The following LMBR1L variants were observed in gnomAD, a reference collection of about 807,000 sequenced individuals.
LMBR1L encodes limb development membrane protein 1 like.
In LMBR1L, 47 loss-of-function variants were observed where a neutral mutation model predicts 67.3. The ratio of observed to expected loss-of-function variants is 0.70; its 90% CI spans 0.55 to 0.89. LMBR1L has a LOEUF of 0.89. Ranked by LOEUF, LMBR1L falls within the 40% of genes least tolerant of loss-of-function variation. LMBR1L has a pLI of 0.00. For synonymous variants in LMBR1L, 247 were observed against 250.3 expected (o/e 0.99, Z 0.13); for missense variants, 533 against 599.2 (o/e 0.89, Z 1.15).
intron 1 of LMBR1L, chr12:49,110,202 C>G (rs1042650263): frequency 2.0e-6 from 1 of 506,250 alleles, no homozygotes; most frequent in African/African-American, 2.2e-5. Context: ...CGGAGACCCC[C>G]AACAGGAAGA....
chr12:49,110,297 G>A (rs1941401282), intron 1 of LMBR1L, 187 bp downstream of exon 1: 1 of 622,976 alleles, frequency 1.6e-6, no homozygotes, highest in South Asian at 1.8e-5. Flanking sequence ...TTATCGCTCA[G>A]GGACCCAGCT....
At position 49,101,244 on chromosome 12, in the gene LMBR1L, G is replaced by A. The variant is rs747275095; in HGVS notation, c.1082+6C>T. 3.1e-6 allele frequency: 5 copies of A among 1,614,154 alleles called. No homozygotes were observed. The highest frequency in any genetic ancestry group is 4.2e-6 in the Non-Finnish European group (5 of 1,180,020). On this transcript the variant is annotated splice_donor_region_variant and intron_variant, in intron 13 of 16. Transcript: ENST00000267102. The stretch of plus-strand genomic sequence containing the variant: ...CAGAGGCAATGATGGGTTTCCAGAA[G>A]GATACAAGATGAGTACAACCTGAAT...
chr12:49,104,931 T>TA (rs767051868), intron 3 of LMBR1L, 46 bp from the exon 4 acceptor site: 1 of 1,572,114 alleles, frequency 6.4e-7, no homozygotes, highest in Non-Finnish European at 8.6e-7. Context: ...CAGCACTCAC[T>TA]ACCCTGTGCT....
chr12:49,107,571 ACTT>A (rs1941061321), intron 1 of LMBR1L, among the ~76,000 whole-genome samples: 1 of 152,180 alleles, frequency 6.6e-6, no homozygotes, highest in African/African-American at 2.4e-5. Flanking sequence ...CCAAGTCACA[ACTT>A]CTATTCCATG....
intron 1 of LMBR1L, among the ~76,000 whole-genome samples, chr12:49,108,913 C>T (rs549694300): frequency 1.9e-4 from 29 of 152,230 alleles, no homozygotes; most frequent in African/African-American, 6.0e-4. Context: ...TCCACAGAGA[C>T]GCAGGAGAGC....
intron 8 of LMBR1L, 47 bp from the exon 9 acceptor site, chr12:49,102,587 C>T: frequency 6.3e-7 from 1 of 1,578,354 alleles, no homozygotes; most frequent in Non-Finnish European, 8.7e-7. Flanking sequence ...GGCTCCCTGA[C>T]CCAAAGGCCC....
chr12:49,102,669 G>T, intron 8 of LMBR1L, 129 bp from the exon 9 acceptor site: 1 of 1,013,862 alleles, frequency 9.9e-7, no homozygotes, highest in Non-Finnish European at 1.5e-6. Flanking sequence ...CCACCCTGTG[G>T]CCCGCAGCTT....
chr12:49,102,081 T>C (rs1940264516), intron 11 of LMBR1L, 39 bp downstream of exon 11: 5 of 1,579,496 alleles, frequency 3.2e-6, no homozygotes, highest in African/African-American at 1.3e-5. Context: ...CCTCAAGTAC[T>C]GAGGGTCCAC....
At chr12:49,098,743 C>T (rs1190570395) in intron 15 of LMBR1L, among the ~76,000 whole-genome samples, 2 of 152,184 alleles carry the variant, frequency 1.3e-5, no homozygotes, top group African/African-American at 4.8e-5. Context: ...TACAAATTCT[C>T]CTGGCATAAA....
intron 15 of LMBR1L, among the ~76,000 whole-genome samples, chr12:49,099,926 G>T (rs911093562): frequency 2.6e-5 from 4 of 152,196 alleles, no homozygotes; most frequent in African/African-American, 9.7e-5. Flanking sequence ...AGCTCTAAAG[G>T]CAGGAGAAGG....
rs1041484881 is a variant in LMBR1L at position 49,104,388 on chromosome 12, T to C, written c.435+60A>G. On this transcript the variant is annotated intron_variant, in intron 5 of 16. Transcript: ENST00000267102. ...CAAATAGCCTCTTTATTAAAATCTC[T>C]TCAGCTGAACCATGTGTGTGGAATT... 1.1e-4 allele frequency: 134 copies of C among 1,230,008 alleles called. 3 individuals are homozygous for C. Among genetic ancestry groups the C allele is most frequent in the Middle Eastern group, 1.9e-4 (1 of 5,312 alleles). 76.2% of individuals were successfully genotyped at this position (1,230,008 alleles called of 1,614,324 possible).
intron 1 of LMBR1L, among the ~76,000 whole-genome samples, chr12:49,108,131 T>C (rs1266480117): frequency 6.6e-6 from 1 of 151,502 alleles, no homozygotes; most frequent in African/African-American, 2.4e-5. Context: ...GGTGTGGTGG[T>C]GCATACCTGT....
At chr12:49,107,079 T>G in intron 1 of LMBR1L, 34 bp from the exon 2 acceptor site, 2 of 1,454,946 alleles carry the variant, frequency 1.4e-6, no homozygotes, top group Non-Finnish European at 1.9e-6. Flanking sequence ...TGAGAAGCTC[T>G]AACCTTCAGC....
intron 1 of LMBR1L, among the ~76,000 whole-genome samples, chr12:49,107,384 C>T (rs1232526922): frequency 8.5e-5 from 13 of 152,342 alleles, no homozygotes; most frequent in East Asian, 5.8e-4. Context: ...CACATGCACA[C>T]GCATTTCAAA....
chr12:49,106,408 C>T, intron 2 of LMBR1L: 1 of 414,602 alleles, frequency 2.4e-6, no homozygotes, highest in South Asian at 1.9e-5. Flanking sequence ...TCATCCTGAG[C>T]CATCCTAAGA....
rs999143671 is a variant in LMBR1L at position 49,097,311 on chromosome 12, G to A, written c.*361C>T. On this transcript the variant is annotated 3_prime_UTR_variant, in exon 17 of 17. Coordinates refer to ENST00000267102, the MANE Select transcript of LMBR1L (RefSeq NM_018113.4). ...CAATCTATCTCCCGAGCCTGCCCTG[G>A]CCCAGTCCTTTCCCTGCCCCTACCC... is the stretch of plus-strand genomic sequence containing the variant. The A allele has an allele frequency of 7.8e-6, 2 of 255,118 alleles. No individual in the cohort carries two copies. The highest frequency in any genetic ancestry group is 5.6e-5 in the South Asian group (1 of 17,766). The allele number at this position is 255,118 out of a possible 1,614,324, so 15.8% of individuals were successfully genotyped here.
intron 11 of LMBR1L, chr12:49,101,815 CTG>C (rs750272594): frequency 1.7e-5 from 10 of 582,188 alleles, no homozygotes; most frequent in Non-Finnish European, 2.4e-5. Context: ...AGATCTATAA[CTG>C]AGTCCATAGG....
At chr12:49,097,910 C>G in intron 16 of LMBR1L, 34 bp downstream of exon 16, 1 of 1,597,154 alleles carries the variant, frequency 6.3e-7, no homozygotes, top group Non-Finnish European at 8.6e-7. Context: ...ATGATTACCA[C>G]CCCCCACTAG....
intron 11 of LMBR1L, 26 bp from the exon 12 acceptor site, chr12:49,101,575 AT>A (rs1940193633): frequency 6.4e-7 from 1 of 1,556,326 alleles, no homozygotes. Flanking sequence ...TCAGACTCCC[AT>A]TCCACCCCAG....
Sources: gnomAD v4.1 joint callset for allele counts (sites outside exome capture counted in the v4.1 genomes callset) on GRCh38, gnomAD v4.1.1 for gene constraint, MANE v1.5 for transcripts, NCBI Gene and HGNC (gene_info 2026-07-23, HGNC 2026-07-21) for gene names.